PDGFRA: variants seen among roughly 807,000 people sequenced by gnomAD.
The protein encoded by PDGFRA is platelet-derived growth factor receptor alpha.
Under a neutral mutation model 121.5 loss-of-function variants are expected in PDGFRA, and 25 were observed. The observed-to-expected ratio is 0.21, with a 90% CI of 0.15 to 0.29. The LOEUF is 0.29. Among genes scored for constraint, PDGFRA ranks in the 10% least tolerant of loss-of-function variants. PDGFRA has a pLI of 1.00. For missense variants in PDGFRA, 1,008 were observed against 1,345.1 expected (o/e 0.75, Z 3.92); for synonymous variants, 463 against 494.8 (o/e 0.94, Z 0.85).
Position 54,285,891 on chromosome 4 carries a change from A to AATTGTG in PDGFRA, c.2492_2497dup (p.Ile831_Val832dup). The AATTGTG allele has an allele frequency of 6.2e-7, 1 of 1,613,966 alleles. No homozygotes were observed. Among genetic ancestry groups the AATTGTG allele is most frequent in the Non-Finnish European group, 8.5e-7 (1 of 1,179,892 alleles). On this transcript the variant is annotated inframe_insertion, in exon 18 of 23. Transcript: ENST00000257290. Reference sequence around the variant, plus strand: ...GCAACGTCCTCCTGGCACAAGGAAAAATTGTGAAGATCTGTGACTTTGGCC... The same window carrying AATTGTG: ...GCAACGTCCTCCTGGCACAAGGAAAAATTGTGATTGTGAAGATCTGTGACTTTGGCC...
At position 54,268,138 on chromosome 4, in the gene PDGFRA, G is replaced by A. The variant is rs559370751; in HGVS notation, c.1121+397G>A. On this transcript the variant is annotated intron_variant, in intron 7 of 22. Coordinates refer to ENST00000257290, the MANE Select transcript of PDGFRA (RefSeq NM_006206.6). ...TGAGGCAGTTATCACATCACCTTAC[G>A]TGAAAGTTAACGTCATAGGCTTAAT... Among the ~76,000 whole-genome samples, 124 of 152,310 alleles carry A rather than the reference G, an allele frequency of 8.1e-4. No individual in the cohort carries two copies. In the South Asian group the frequency reaches 0.023, roughly 29 times the overall value.
In PDGFRA at chr4:54,295,224, T is replaced by C. The variant is rs7685117; in HGVS notation, c.3222T>C (p.Asp1074=). 1 allele frequency: 1,613,245 copies of C among 1,614,054 alleles called. 806,221 individuals carry two copies. The highest frequency in any genetic ancestry group is 1 in the Non-Finnish European group (1,179,901 of 1,179,922). ...DETIEDIDMM[D]DIGIDSSDLV... is the part of the protein sequence containing the mutation. The stretch of plus-strand genomic sequence containing the variant: ...CCATTGAAGACATCGACATGATGGA[T>C]GACATCGGCATAGACTCTTCAGACC... Residue 1074 remains aspartate, a synonymous_variant, in exon 23 of 23, where the codon GAT becomes GAC. Transcript: ENST00000257290.
At chr4:54,283,203 C>T (rs986639862) in intron 16 of PDGFRA, among the ~76,000 whole-genome samples, 36 of 152,192 alleles carry the variant, frequency 2.4e-4, no homozygotes, top group African/African-American at 8.4e-4. Context: ...CCACATTTCC[C>T]CTCTGCAGTG....
intron 1 of PDGFRA, among the ~76,000 whole-genome samples, chr4:54,233,824 C>T (rs1306137891): frequency 3.3e-5 from 5 of 152,250 alleles, no homozygotes; most frequent in African/African-American, 1.2e-4. Context: ...GCCCCGCGGG[C>T]GGCCTGTTGC....
intron 18 of PDGFRA, among the ~76,000 whole-genome samples, chr4:54,286,319 TTTTATTTATTTATTTA>T (rs144165770): frequency 0.2 from 29,766 of 146,296 alleles, 3,578 homozygotes; most frequent in African/African-American, 0.32. Context: ...ATGTTAGCTA[TTTTATTTATTTATTTA>T]TTTATTTATT....
At chr4:54,249,804 T>A (rs535058550) in intron 1 of PDGFRA, among the ~76,000 whole-genome samples, 40 of 151,974 alleles carry the variant, frequency 2.6e-4, no homozygotes, top group East Asian at 7.7e-4. Flanking sequence ...AATAAAAAAA[T>A]TTTTAAAAAA....
chr4:54,278,735 T>A (rs1560484102), intron 15 of PDGFRA: 5 of 657,868 alleles, frequency 7.6e-6, no homozygotes, highest in Non-Finnish European at 1.4e-5. Flanking sequence ...GCCTTGCTGA[T>A]AGGTTTGAAT....
intron 1 of PDGFRA, among the ~76,000 whole-genome samples, chr4:54,234,299 C>G (rs1439091254): frequency 2.0e-5 from 3 of 152,178 alleles, no homozygotes; most frequent in Non-Finnish European, 2.9e-5. Context: ...GAGGTCACCA[C>G]GAAAGCTAAA....
intron 1 of PDGFRA, among the ~76,000 whole-genome samples, chr4:54,248,195 C>T (rs1328094377): frequency 2.0e-5 from 3 of 152,176 alleles, no homozygotes; most frequent in Non-Finnish European, 2.9e-5. Flanking sequence ...TGACTTTCTT[C>T]ACAGAATTGG....
At chr4:54,269,693 A>T (rs1407725270) in intron 7 of PDGFRA, among the ~76,000 whole-genome samples, 1 of 137,278 alleles carries the variant, frequency 7.3e-6, no homozygotes, top group Non-Finnish European at 1.5e-5. Context: ...CCCAGGCTGG[A>T]GTGCAGCGGT....
Position 54,290,374 on chromosome 4 carries a change from G to C in PDGFRA, c.2942G>C (p.Arg981Pro), listed in dbSNP as rs368266633. ...GACCATCCTGCTGTGGCACGCATGC[G>C]TGTGGACTCAGACAATGCATACATT... The part of the protein sequence containing the change: ...KSDHPAVARM[R>P]VDSDNAYIGV... The change falls in exon 22 of 23, where the codon CGT becomes CCT. Residue 981 changes from arginine (R) to proline (P), a missense_variant. Arg to Pro is a moderately radical substitution (Grantham distance 103, BLOSUM62 -2). This residue lies in a region of PDGFRA where 204 missense variants were observed against 243.0 expected (regional missense o/e 0.84). Coordinates refer to ENST00000257290, the MANE Select transcript of PDGFRA (RefSeq NM_006206.6). The C allele has an allele frequency of 1.2e-6, 2 of 1,612,498 alleles. No individual in the cohort carries two copies. Among genetic ancestry groups the C allele is most frequent in the East Asian group, 2.2e-5 (1 of 44,870 alleles).
Position 54,289,081 on chromosome 4 carries a change from T to G in PDGFRA, c.2847T>G (p.Ile949Met). The stretch of plus-strand genomic sequence containing the variant: ...CCTCCTTTTACCACCTGAGTGAGAT[T>G]GTGGAGAATCTGCTGCCTGGACAAT... ...KRPSFYHLSEIVENLLPGQYK... is the reference protein window; with the variant it reads ...KRPSFYHLSEMVENLLPGQYK... Residue 949 changes from isoleucine (I) to methionine (M), a missense_variant, in exon 21 of 23, where the codon ATT (isoleucine) becomes ATG (methionine). By Grantham distance (10) the Ile-to-Met change is conservative (BLOSUM62 1). Coordinates refer to ENST00000257290, the MANE Select transcript of PDGFRA (RefSeq NM_006206.6). 1 of 1,606,390 alleles carries G rather than the reference T, an allele frequency of 6.2e-7. No homozygotes were observed. The highest frequency in any genetic ancestry group is 8.5e-7 in the Non-Finnish European group (1 of 1,173,182).
intron 22 of PDGFRA, among the ~76,000 whole-genome samples, chr4:54,291,752 A>G (rs1039757285): frequency 1.3e-5 from 2 of 152,248 alleles, no homozygotes; most frequent in African/African-American, 2.4e-5. Context: ...CAGAATTACC[A>G]TTGGATCCAG....
chr4:54,255,149 C>G (rs569397366), intron 1 of PDGFRA, among the ~76,000 whole-genome samples: 22 of 152,192 alleles, frequency 1.4e-4, no homozygotes, highest in Non-Finnish European at 2.6e-4. Context: ...CTCTGAGCCT[C>G]AACTGCCCCT....
chr4:54,251,254 C>CT (rs1258905481), intron 1 of PDGFRA, among the ~76,000 whole-genome samples: 1 of 152,076 alleles, frequency 6.6e-6, no homozygotes, highest in Non-Finnish European at 1.5e-5. Flanking sequence ...CTTTTAATGA[C>CT]TTTTTGCTTA....
chr4:54,242,672 T>C (rs896958255), intron 1 of PDGFRA, among the ~76,000 whole-genome samples: 4 of 152,164 alleles, frequency 2.6e-5, no homozygotes, highest in Admixed American at 6.5e-5. Context: ...TGTTGTTTGT[T>C]TTTCTTCTCA....
At chr4:54,266,809 C>T (rs529099907) in intron 5 of PDGFRA, among the ~76,000 whole-genome samples, 2 of 151,880 alleles carry the variant, frequency 1.3e-5, no homozygotes, top group Non-Finnish European at 2.9e-5. Context: ...ATCAAGACTC[C>T]GTCTCTACAA....
At chr4:54,290,247 G>T (rs928641687) in intron 21 of PDGFRA, 66 bp from the exon 22 acceptor site, 43 of 1,264,522 alleles carry the variant, frequency 3.4e-5, no homozygotes, top group Non-Finnish European at 4.5e-5. Flanking sequence ...AGTTCTGAGT[G>T]TCTCTATTCA....
intron 4 of PDGFRA, 88 bp downstream of exon 4, chr4:54,264,015 A>G: frequency 4.4e-6 from 5 of 1,126,896 alleles, no homozygotes; most frequent in Non-Finnish European, 6.5e-6. Context: ...TTTTTAAATC[A>G]TCATCACTGG....
Sources: gnomAD v4.1 joint callset for allele counts (sites outside exome capture counted in the v4.1 genomes callset) on GRCh38, gnomAD v4.1.1 for gene constraint, gnomAD v4.1.1 regional missense constraint, MANE v1.5 for transcripts, NCBI Gene and HGNC (gene_info 2026-07-23, HGNC 2026-07-21) for gene names.